Variants in GRIA1 observed in about 807,000 individuals in gnomAD.
GRIA1 encodes glutamate ionotropic receptor AMPA type subunit 1.
GRIA1 carries 31 observed loss-of-function variants against 99.2 expected under a neutral mutation model. That is an observed-to-expected ratio of 0.31 (90% CI 0.23 to 0.42). The LOEUF is 0.42. GRIA1 is among the 10% of genes least tolerant of loss of function. The pLI is 1.00. For missense variants in GRIA1, 782 were observed against 1,157.5 expected, an observed-to-expected ratio of 0.68 and a Z score of 4.71; for synonymous variants, 438 against 432.4, an observed-to-expected ratio of 1.01 and a Z score of -0.16.
intron 8 of GRIA1, among the ~76,000 whole-genome samples, chr5:153,692,151 T>A (rs963359330): frequency 1.3e-5 from 2 of 152,202 alleles, no homozygotes; most frequent in Non-Finnish European, 2.9e-5. Flanking sequence ...GTGTGCCTCC[T>A]TGTCATTCAG....
At chr5:153,610,832 C>T (rs1175447470) in intron 2 of GRIA1, among the ~76,000 whole-genome samples, 1 of 152,132 alleles carries the variant, frequency 6.6e-6, no homozygotes, top group Non-Finnish European at 1.5e-5. Context: ...ATAAAAATAG[C>T]TATTTATAAT....
At chr5:153,706,867 G>A (rs1758932400) in intron 11 of GRIA1, among the ~76,000 whole-genome samples, 1 of 152,302 alleles carries the variant, frequency 6.6e-6, no homozygotes, top group African/African-American at 2.4e-5. Flanking sequence ...GGCCAAGGCA[G>A]GTGGATTACT....
intron 2 of GRIA1, among the ~76,000 whole-genome samples, chr5:153,605,451 T>C (rs575789144): frequency 6.6e-6 from 1 of 152,320 alleles, no homozygotes; most frequent in African/African-American, 2.4e-5. Context: ...GAATAATGAG[T>C]CTATAAATAT....
chr5:153,688,105 T>A (rs1330408040), intron 8 of GRIA1, among the ~76,000 whole-genome samples: 1 of 152,200 alleles, frequency 6.6e-6, no homozygotes, highest in East Asian at 1.9e-4. Context: ...TCTCTGACCC[T>A]TCTTCTATCA....
At chr5:153,649,194 G>C (rs972245512) in intron 3 of GRIA1, among the ~76,000 whole-genome samples, 3 of 152,148 alleles carry the variant, frequency 2.0e-5, no homozygotes, top group East Asian at 3.8e-4. Flanking sequence ...ACACAGCCCT[G>C]CTGACACCTT....
At chr5:153,541,657 C>T (rs924736217) in intron 2 of GRIA1, among the ~76,000 whole-genome samples, 3 of 152,248 alleles carry the variant, frequency 2.0e-5, no homozygotes, top group African/African-American at 7.2e-5. Flanking sequence ...AAAGGCCGGA[C>T]ACTGTGGCTC....
intron 11 of GRIA1, among the ~76,000 whole-genome samples, chr5:153,723,039 TGC>T (rs1298775560): frequency 6.6e-6 from 1 of 152,038 alleles, no homozygotes; most frequent in Non-Finnish European, 1.5e-5. Flanking sequence ...CTCTAGGGAG[TGC>T]CAGAGGAAAG....
At chr5:153,758,018 T>C (rs1177869667) in intron 11 of GRIA1, among the ~76,000 whole-genome samples, 3 of 152,134 alleles carry the variant, frequency 2.0e-5, no homozygotes, top group African/African-American at 7.2e-5. Context: ...GGTAGAGCTA[T>C]TGAATGTTTA....
chr5:153,577,191 TGG>T (rs1762647300), intron 2 of GRIA1, among the ~76,000 whole-genome samples: 1 of 147,346 alleles, frequency 6.8e-6, no homozygotes, highest in Non-Finnish European at 1.5e-5. Flanking sequence ...GATGGATGGA[TGG>T]ATGGATGGGA....
At position 153,811,271 on chromosome 5, in the gene GRIA1, G is replaced by A. The variant is rs758878258; in HGVS notation, c.*46G>A. ...TTGGGGAGCAGGCTCGGGCTCCCCAGCCCCATCCCAAACCCTTCAGTGCCA... is the reference window on the plus strand; with the variant it reads ...TTGGGGAGCAGGCTCGGGCTCCCCAACCCCATCCCAAACCCTTCAGTGCCA... On this transcript the variant is annotated 3_prime_UTR_variant, in exon 16 of 16. Coordinates refer to ENST00000285900, the MANE Select transcript of GRIA1 (RefSeq NM_000827.4). The A allele has an allele frequency of 6.9e-7, 1 of 1,454,608 alleles. No individual in the cohort carries two copies. The highest frequency in any genetic ancestry group is 9.6e-7 in the Non-Finnish European group (1 of 1,037,702). 90.1% of individuals were successfully genotyped at this position (1,454,608 alleles called of 1,614,324 possible).
At position 153,770,189 on chromosome 5, in the gene GRIA1, G is replaced by A. The variant is rs1411341769; in HGVS notation, c.2044G>A (p.Glu682Lys). Reference protein sequence around the residue: ...FFRRSKIAVFEKMWTYMKSAE... With the variant: ...FFRRSKIAVFKKMWTYMKSAE... ...CCAGAGGTCTAAAATTGCTGTGTTT[G>A]AGAAGATGTGGACATACATGAAGTC... The change falls in exon 13 of 16, where the codon GAG (glutamate) becomes AAG (lysine). Residue 682 changes from glutamate to lysine, a missense_variant. By Grantham distance (56) the Glu-to-Lys change is moderately conservative (BLOSUM62 1). Transcript: ENST00000285900. 1 of 1,613,794 alleles carries A rather than the reference G, an allele frequency of 6.2e-7. No individual in the cohort carries two copies.
chr5:153,686,027 A>C (rs1030267332), intron 7 of GRIA1, among the ~76,000 whole-genome samples, 198 bp from the exon 8 acceptor site: 5 of 152,210 alleles, frequency 3.3e-5, no homozygotes, highest in African/African-American at 1.2e-4. Flanking sequence ...TGTCAGGATG[A>C]ATCCCAATTT....
At chr5:153,805,907 C>T (rs1451372495) in intron 15 of GRIA1, among the ~76,000 whole-genome samples, 1 of 152,184 alleles carries the variant, frequency 6.6e-6, no homozygotes, top group Non-Finnish European at 1.5e-5. Context: ...ATTGGTGTGA[C>T]TTCTACCCAA....
At chr5:153,633,599 T>C (rs1753130328) in intron 2 of GRIA1, among the ~76,000 whole-genome samples, 1 of 152,208 alleles carries the variant, frequency 6.6e-6, no homozygotes, top group African/African-American at 2.4e-5. Context: ...CATGTGCTCT[T>C]GGTTGTCATG....
intron 2 of GRIA1, among the ~76,000 whole-genome samples, chr5:153,623,087 A>G (rs963712375): frequency 6.6e-6 from 1 of 152,376 alleles, no homozygotes; most frequent in African/African-American, 2.4e-5. Context: ...GGTTGGTTTC[A>G]TCCAAAGCCA....
intron 5 of GRIA1, among the ~76,000 whole-genome samples, chr5:153,668,014 C>A (rs1354565079): frequency 6.6e-6 from 1 of 152,178 alleles, no homozygotes; most frequent in African/African-American, 2.4e-5. Context: ...CATTGTGTTA[C>A]CTCCTACAGT....
intron 2 of GRIA1, among the ~76,000 whole-genome samples, chr5:153,553,473 T>C (rs879471438): frequency 6.6e-6 from 1 of 152,138 alleles, no homozygotes; most frequent in Admixed American, 6.5e-5. Flanking sequence ...AAGTGCATGG[T>C]TTGACCTCTG....
chr5:153,727,216 G>A (rs1008469030), intron 11 of GRIA1, among the ~76,000 whole-genome samples: 1 of 152,128 alleles, frequency 6.6e-6, no homozygotes, highest in Non-Finnish European at 1.5e-5. Flanking sequence ...CAATAAATTA[G>A]GTATTGATGG....
chr5:153,751,681 A>G (rs781645772), intron 11 of GRIA1, among the ~76,000 whole-genome samples: 11 of 152,244 alleles, frequency 7.2e-5, no homozygotes, highest in Non-Finnish European at 1.3e-4. Flanking sequence ...AGAAGCACAC[A>G]TTTAAAGGCC....
Sources: allele counts gnomAD v4.1 joint callset (sites outside exome capture counted in the v4.1 genomes callset), GRCh38; gene constraint gnomAD v4.1.1; transcripts MANE v1.5; gene names NCBI Gene and HGNC (gene_info 2026-07-23, HGNC 2026-07-21).